Variants in ADGRB3 observed in about 807,000 individuals in gnomAD.
ADGRB3 encodes the protein adhesion G protein-coupled receptor B3, also known as brain-specific angiogenesis inhibitor 3.
In ADGRB3, 37 loss-of-function variants were observed where a neutral mutation model predicts 193.4. The ratio of observed to expected loss-of-function variants is 0.19; its 90% CI spans 0.15 to 0.25. The LOEUF (loss-of-function observed/expected upper bound fraction) is 0.25. Ranked by LOEUF, ADGRB3 falls within the 10% of genes least tolerant of loss-of-function variation. ADGRB3 has a pLI of 1.00. For synonymous variants in ADGRB3, 690 were observed against 644.2 expected, an observed-to-expected ratio of 1.07 and a Z score of -1.08; for missense variants, 1,637 against 1,852.9, an observed-to-expected ratio of 0.88 and a Z score of 2.14.
intron 20 of ADGRB3, among the ~76,000 whole-genome samples, chr6:69,268,880 C>G (rs117360135): frequency 6.6e-6 from 1 of 152,054 alleles, no homozygotes; most frequent in Non-Finnish European, 1.5e-5. Context: ...TGTTTTCCCC[C>G]ATAAAATGAG....
intron 20 of ADGRB3, among the ~76,000 whole-genome samples, chr6:69,301,843 G>A (rs1767955313): frequency 6.6e-6 from 1 of 151,856 alleles, no homozygotes; most frequent in Non-Finnish European, 1.5e-5. Context: ...CTTTTATGTA[G>A]ATGCAGGATT....
chr6:69,279,095 A>G (rs571253356), intron 20 of ADGRB3, among the ~76,000 whole-genome samples: 2,445 of 135,034 alleles, frequency 0.018, 154 homozygotes, highest in Non-Finnish European at 0.028. Flanking sequence ...ATATATATAT[A>G]TATATATATA....
At chr6:68,694,934 T>C (rs140932934) in intron 3 of ADGRB3, among the ~76,000 whole-genome samples, 182 of 152,158 alleles carry the variant, frequency 1.2e-3, no homozygotes, top group Admixed American at 3.3e-3. Flanking sequence ...AAGTCAGCAA[T>C]ACTCATCCTT....
chr6:68,778,663 C>G (rs961359216), intron 3 of ADGRB3, among the ~76,000 whole-genome samples: 2 of 152,040 alleles, frequency 1.3e-5, no homozygotes, highest in African/African-American at 2.4e-5. Flanking sequence ...TTACAAAACA[C>G]CTACACTACA....
intron 17 of ADGRB3, among the ~76,000 whole-genome samples, chr6:69,090,366 T>C (rs1346661900): frequency 6.6e-6 from 1 of 152,130 alleles, no homozygotes; most frequent in African/African-American, 2.4e-5. Flanking sequence ...AAATGATGAG[T>C]GATGTCATTG....
At chr6:68,653,102 G>T (rs1002596467) in intron 3 of ADGRB3, among the ~76,000 whole-genome samples, 2 of 152,118 alleles carry the variant, frequency 1.3e-5, no homozygotes, top group African/African-American at 4.8e-5. Flanking sequence ...TATTGCTGGA[G>T]TAAGACTGTG....
chr6:69,360,732 T>C, intron 28 of ADGRB3, 137 bp from the exon 29 acceptor site: 2 of 848,936 alleles, frequency 2.4e-6, no homozygotes, highest in Non-Finnish European at 3.5e-6. Context: ...AACAAATTGA[T>C]ATGTATTTTT....
intron 13 of ADGRB3, among the ~76,000 whole-genome samples, chr6:69,027,950 A>G (rs1329284545): frequency 6.6e-6 from 1 of 152,218 alleles, no homozygotes; most frequent in Non-Finnish European, 1.5e-5. Context: ...TTAGAATTCA[A>G]AGCAGTCTTA....
intron 11 of ADGRB3, among the ~76,000 whole-genome samples, chr6:69,005,803 T>C (rs1274674453): frequency 6.6e-6 from 1 of 152,180 alleles, no homozygotes; most frequent in Non-Finnish European, 1.5e-5. Flanking sequence ...CCTTCAGATG[T>C]CGCCCTATCT....
chr6:68,787,227 G>A (rs1766994308), intron 3 of ADGRB3, among the ~76,000 whole-genome samples: 1 of 152,096 alleles, frequency 6.6e-6, no homozygotes, highest in African/African-American at 2.4e-5. Flanking sequence ...TCCCTGTCTT[G>A]TGCCAGTTTT....
intron 20 of ADGRB3, among the ~76,000 whole-genome samples, chr6:69,292,028 T>C (rs1348191423): frequency 1.3e-5 from 2 of 152,196 alleles, no homozygotes; most frequent in East Asian, 1.9e-4. Context: ...CTCTAGTTTA[T>C]TACCATTAGA....
chr6:68,758,444 A>C (rs1033084370), intron 3 of ADGRB3, among the ~76,000 whole-genome samples: 1 of 152,140 alleles, frequency 6.6e-6, no homozygotes, highest in Admixed American at 6.6e-5. Context: ...CAATTCTAAC[A>C]AACACAGTAT....
In ADGRB3 at chr6:68,942,585, A is replaced by C. The variant is rs62418266; in HGVS notation, c.1031-1245A>C. Among the ~76,000 whole-genome samples the C allele has an allele frequency of 3.2e-3, 489 of 152,160 alleles. 1 individual carries two copies. Among genetic ancestry groups the C allele is most frequent in the Non-Finnish European group, 5.9e-3 (401 of 67,994 alleles). ...GAATTAGGATGAGAGTGGTGATTTGACCATGCAGGGAAGGGATCAAACACT... is the reference window on the plus strand; with the variant it reads ...GAATTAGGATGAGAGTGGTGATTTGCCCATGCAGGGAAGGGATCAAACACT... On this transcript the variant is annotated intron_variant, in intron 5 of 31. Coordinates refer to ENST00000370598, the MANE Select transcript of ADGRB3 (RefSeq NM_001704.3).
Position 68,945,380 on chromosome 6 carries a change from A to G in ADGRB3, c.1195+1386A>G, listed in dbSNP as rs574806987. Among the ~76,000 whole-genome samples the G allele has an allele frequency of 2.0e-4, 30 of 152,234 alleles. No homozygotes were observed. The East Asian group carries it at 2.9e-3, about 15-fold the overall frequency. ...CTTATTTGTTAACCAGTACTAGAAA[A>G]TCTATTTATGAGATCAGTAACATTC... is the stretch of plus-strand genomic sequence containing the variant. On this transcript the variant is annotated intron_variant, in intron 6 of 31. Transcript: ENST00000370598.
intron 3 of ADGRB3, among the ~76,000 whole-genome samples, chr6:68,834,729 A>G (rs1157497035): frequency 2.9e-5 from 1 of 34,560 alleles, no homozygotes; most frequent in Non-Finnish European, 7.1e-5. Flanking sequence ...ACGGGCTGGA[A>G]GAATATATTA....
At chr6:69,283,401 G>A (rs1767478722) in intron 20 of ADGRB3, among the ~76,000 whole-genome samples, 1 of 152,222 alleles carries the variant, frequency 6.6e-6, no homozygotes, top group Non-Finnish European at 1.5e-5. Context: ...CTGCCTCCCA[G>A]CTGATCTTTT....
At chr6:69,313,410 T>C (rs886095821) in intron 20 of ADGRB3, among the ~76,000 whole-genome samples, 8 of 151,956 alleles carry the variant, frequency 5.3e-5, no homozygotes, top group African/African-American at 1.9e-4. Context: ...TGATCAAACA[T>C]GATAAACAGA....
intron 20 of ADGRB3, among the ~76,000 whole-genome samples, chr6:69,268,820 G>A (rs1388395343): frequency 6.6e-6 from 1 of 152,090 alleles, no homozygotes; most frequent in Non-Finnish European, 1.5e-5. Context: ...GGCTGGCCGG[G>A]TCTAGGGGCA....
chr6:69,368,900 G>A (rs1248669229), intron 29 of ADGRB3, among the ~76,000 whole-genome samples: 1 of 152,058 alleles, frequency 6.6e-6, no homozygotes, highest in Non-Finnish European at 1.5e-5. Context: ...TTCTAAGTGG[G>A]AAATTAAGAA....
Sources: allele counts gnomAD v4.1 joint callset (sites outside exome capture counted in the v4.1 genomes callset), GRCh38; gene constraint gnomAD v4.1.1; transcripts MANE v1.5; gene names NCBI Gene and HGNC (gene_info 2026-07-23, HGNC 2026-07-21).